The following NEBL variants were observed in gnomAD, a reference collection of about 807,000 sequenced individuals.
NEBL encodes nebulette.
Under a neutral mutation model 140.2 loss-of-function variants are expected in NEBL, and 122 were observed. The observed-to-expected ratio is 0.87, with a 90% CI of 0.75 to 1.01. NEBL has a LOEUF of 1.01. Among genes scored for constraint, NEBL ranks in the 50% least tolerant of loss-of-function variants. The pLI, the probability that NEBL is intolerant of heterozygous loss-of-function variation, is 0.00. For missense variants in NEBL, 1,365 were observed against 1,231.3 expected, an observed-to-expected ratio of 1.11 and a Z score of -1.62; for synonymous variants, 436 against 398.9, an observed-to-expected ratio of 1.09 and a Z score of -1.11.
intron 26 of NEBL, among the ~76,000 whole-genome samples, chr10:20,800,655 A>C (rs995315329): frequency 6.6e-6 from 1 of 152,168 alleles, no homozygotes; most frequent in African/African-American, 2.4e-5. Flanking sequence ...ATCTAATTTC[A>C]GTGTTTCTGC....
At chr10:21,220,462 T>C (rs1349872987) in intron 3 of NEBL, among the ~76,000 whole-genome samples, 5 of 152,184 alleles carry the variant, frequency 3.3e-5, no homozygotes, top group African/African-American at 4.8e-5. Flanking sequence ...AGAGTGAAAT[T>C]GGACTTTTAT....
chr10:21,094,493 C>G (rs1837080987), intron 2 of NEBL, among the ~76,000 whole-genome samples: 1 of 107,086 alleles, frequency 9.3e-6, no homozygotes, highest in African/African-American at 4.2e-5. Flanking sequence ...CAGCGAGACT[C>G]CGTCTCAAAA....
intron 13 of NEBL, among the ~76,000 whole-genome samples, chr10:20,836,164 T>G (rs957036888): frequency 6.6e-6 from 1 of 152,178 alleles, no homozygotes; most frequent in Non-Finnish European, 1.5e-5. Flanking sequence ...TGTGCTTACA[T>G]GGTGTCTCGG....
intron 12 of NEBL, among the ~76,000 whole-genome samples, chr10:20,842,787 C>T (rs1284837065): frequency 6.6e-6 from 1 of 152,000 alleles, no homozygotes; most frequent in Admixed American, 6.6e-5. Flanking sequence ...ATACTATCTT[C>T]ACCACACTGT....
At chr10:21,144,820 C>T (rs1354727909) in intron 2 of NEBL, among the ~76,000 whole-genome samples, 1 of 152,042 alleles carries the variant, frequency 6.6e-6, no homozygotes. Flanking sequence ...CTGTAACTAG[C>T]TATTCACGTC....
intron 2 of NEBL, among the ~76,000 whole-genome samples, chr10:21,085,331 C>G (rs1836574027): frequency 6.6e-6 from 1 of 152,142 alleles, no homozygotes; most frequent in African/African-American, 2.4e-5. Flanking sequence ...TGTTTTAAAA[C>G]AGCACGTAGG....
chr10:21,214,021 G>C (rs1719401650), intron 3 of NEBL, among the ~76,000 whole-genome samples: 1 of 152,078 alleles, frequency 6.6e-6, no homozygotes, highest in Non-Finnish European at 1.5e-5. Context: ...ATAAAACTCA[G>C]CAGTTTTGTG....
At chr10:20,861,729 G>A (rs2131165737) in intron 7 of NEBL, among the ~76,000 whole-genome samples, 1 of 152,270 alleles carries the variant, frequency 6.6e-6, no homozygotes, top group South Asian at 2.1e-4. Context: ...TGCAAACTCT[G>A]AGGTTTCCAG....
chr10:20,957,407 T>C (rs1835857441), intron 4 of NEBL, among the ~76,000 whole-genome samples: 1 of 152,210 alleles, frequency 6.6e-6, no homozygotes, highest in South Asian at 2.1e-4. Context: ...TCTTAGCTTT[T>C]CTTGTAAAGT....
chr10:21,205,635 G>GA (rs1377899883), intron 3 of NEBL, among the ~76,000 whole-genome samples: 4 of 151,912 alleles, frequency 2.6e-5, no homozygotes, highest in Non-Finnish European at 5.9e-5. Flanking sequence ...ATATATTATG[G>GA]AAAAAAACAC....
rs1837216772 is a variant in NEBL at position 21,096,947 on chromosome 10, T to A, written c.164+75436A>T. Among the ~76,000 whole-genome samples the A allele has an allele frequency of 2.6e-5, 4 of 151,946 alleles. No individual in the cohort carries two copies. In the South Asian group the frequency reaches 8.3e-4, roughly 32 times the overall value. On this transcript the variant is annotated intron_variant, in intron 2 of 6. Coordinates refer to the NEBL transcript ENST00000417816. ...CCCCACAAATTCCTCTACCCTTCTC[T>A]ATTACAAAAAGGCTCAATCAAAAAT...
At chr10:21,146,263 G>A (rs1037754019) in intron 2 of NEBL, 36 of 1,133,806 alleles carry the variant, frequency 3.2e-5, no homozygotes, top group Non-Finnish European at 4.2e-5. Context: ...CACGTGTCAG[G>A]CAGCATCATT....
At chr10:20,960,647 A>G (rs1836008571) in intron 4 of NEBL, among the ~76,000 whole-genome samples, 1 of 152,054 alleles carries the variant, frequency 6.6e-6, no homozygotes, top group Non-Finnish European at 1.5e-5. Flanking sequence ...ATGTGTGTAT[A>G]TGTGTGTATA....
chr10:21,030,289 G>C, intron 2 of NEBL: 2 of 644,354 alleles, frequency 3.1e-6, no homozygotes, highest in Non-Finnish European at 2.7e-6. Context: ...AAGAAACTCA[G>C]GAACTGGAAC....
intron 2 of NEBL, among the ~76,000 whole-genome samples, chr10:21,033,051 G>C (rs1833862671): frequency 6.6e-6 from 1 of 152,114 alleles, no homozygotes; most frequent in South Asian, 2.1e-4. Context: ...AGAAAAATAT[G>C]AGCTAGTGGA....
chr10:21,076,170 C>T (rs1201861628), intron 2 of NEBL, among the ~76,000 whole-genome samples: 3 of 151,994 alleles, frequency 2.0e-5, no homozygotes, highest in African/African-American at 4.8e-5. Context: ...CAACCAGGCA[C>T]GGTGGCTTAC....
At chr10:20,920,390 C>A (rs547251992) in intron 4 of NEBL, among the ~76,000 whole-genome samples, 55 of 152,242 alleles carry the variant, frequency 3.6e-4, no homozygotes, top group African/African-American at 1.2e-3. Flanking sequence ...CTGGAAATAA[C>A]CCAAATGCCC....
intron 2 of NEBL, among the ~76,000 whole-genome samples, chr10:21,130,970 A>G (rs1354862586): frequency 6.6e-6 from 1 of 152,094 alleles, no homozygotes; most frequent in Non-Finnish European, 1.5e-5. Context: ...GTCCTTTGAA[A>G]AGATAATAAA....
chr10:21,021,381 T>C (rs1359127476), intron 2 of NEBL, among the ~76,000 whole-genome samples: 3 of 152,134 alleles, frequency 2.0e-5, no homozygotes, highest in Admixed American at 6.5e-5. Flanking sequence ...TTCCAGTTGA[T>C]CTTGGAATAA....
Sources: allele counts gnomAD v4.1 joint callset (sites outside exome capture counted in the v4.1 genomes callset), GRCh38; gene constraint gnomAD v4.1.1; transcripts MANE v1.5; gene names NCBI Gene and HGNC (gene_info 2026-07-23, HGNC 2026-07-21).